NELL2: variants seen among roughly 807,000 people sequenced by gnomAD.
NELL2 encodes the protein protein kinase C-binding protein NELL2.
A neutral mutation model predicts 109.6 loss-of-function variants in NELL2; 41 were observed. The observed-to-expected ratio is 0.37, with a 90% CI of 0.29 to 0.49. NELL2 has a LOEUF of 0.49. NELL2 is among the 20% of genes least tolerant of loss of function. NELL2 has a pLI of 0.98. For synonymous variants in NELL2, 355 were observed against 344.7 expected (o/e 1.03, Z -0.33); for missense variants, 900 against 1,008.3 (o/e 0.89, Z 1.45).
chr12:44,618,514 T>C (rs1420993961), intron 13 of NELL2, among the ~76,000 whole-genome samples: 1 of 152,206 alleles, frequency 6.6e-6, no homozygotes, highest in Non-Finnish European at 1.5e-5. Flanking sequence ...AGACATGTTT[T>C]ATAATATTTT....
At chr12:44,686,767 T>C (rs1173623234) in intron 12 of NELL2, among the ~76,000 whole-genome samples, 2 of 152,204 alleles carry the variant, frequency 1.3e-5, no homozygotes, top group East Asian at 1.9e-4. Context: ...AGGCAGTCTG[T>C]CCGTTCTCAG....
intron 1 of NELL2, among the ~76,000 whole-genome samples, chr12:44,921,282 A>G (rs1945866357): frequency 6.6e-6 from 1 of 152,218 alleles, no homozygotes; most frequent in Non-Finnish European, 1.5e-5. Flanking sequence ...ATTTGCAAGC[A>G]TTTACTGAGT....
intron 13 of NELL2, among the ~76,000 whole-genome samples, chr12:44,644,604 G>GTGTATATATA (rs1241074750): frequency 0.095 from 7,673 of 80,482 alleles, 344 homozygotes; most frequent in Non-Finnish European, 0.1. Flanking sequence ...ATATATATAT[G>GTGTATATATA]TATGTATATA....
chr12:44,865,992 G>C (rs1023695624), intron 2 of NELL2, among the ~76,000 whole-genome samples: 6 of 152,118 alleles, frequency 3.9e-5, no homozygotes, highest in Admixed American at 3.3e-4. Flanking sequence ...CTTTTGGAAA[G>C]TCATGAGTGA....
upstream of NELL2, among the ~76,000 whole-genome samples, chr12:44,879,788 T>G (rs919925151): frequency 2.0e-5 from 3 of 151,982 alleles, no homozygotes; most frequent in Non-Finnish European, 4.4e-5. Flanking sequence ...TTTAAAACTT[T>G]GCATGTTGGC....
chr12:44,620,714 G>A lies in NELL2; in HGVS notation c.1445-9744C>T, dbSNP rs139053833. On this transcript the variant is annotated intron_variant, in intron 13 of 19. Coordinates refer to ENST00000429094, the MANE Select transcript of NELL2 (RefSeq NM_001145108.2). Reference sequence around the variant, plus strand: ...CACTCCCCACATTTATCCGGGGCCAGGTCACCTGGATTCTTCTTTCTTAAA... The same window carrying A: ...CACTCCCCACATTTATCCGGGGCCAAGTCACCTGGATTCTTCTTTCTTAAA... Among the ~76,000 whole-genome samples the A allele has an allele frequency of 1.5e-3, 222 of 152,118 alleles. 1 individual carries two copies. The highest frequency in any genetic ancestry group is 4.7e-3 in the African/African-American group (197 of 41,474).
At chr12:44,812,617 A>G (rs1943214685) in intron 3 of NELL2, among the ~76,000 whole-genome samples, 1 of 152,222 alleles carries the variant, frequency 6.6e-6, no homozygotes, top group South Asian at 2.1e-4. Context: ...TGATGAAACT[A>G]AATAGATGAG....
At chr12:44,717,416 G>A (rs1938546116) in intron 9 of NELL2, among the ~76,000 whole-genome samples, 1 of 152,058 alleles carries the variant, frequency 6.6e-6, no homozygotes, top group South Asian at 2.1e-4. Context: ...CGAATTTAAT[G>A]TGCTTCATGC....
At chr12:44,833,111 G>A (rs1360774823) in intron 2 of NELL2, among the ~76,000 whole-genome samples, 2 of 152,176 alleles carry the variant, frequency 1.3e-5, no homozygotes, top group Non-Finnish European at 2.9e-5. Context: ...GGCCTACACA[G>A]AACGTTCAGA....
intron 1 of NELL2, among the ~76,000 whole-genome samples, chr12:44,909,814 A>T (rs1239978260): frequency 6.6e-6 from 1 of 151,624 alleles, no homozygotes; most frequent in Non-Finnish European, 1.5e-5. Context: ...GAGAACCCAG[A>T]GATAAAGCTA....
At chr12:44,777,349 C>T (rs938863635) in intron 5 of NELL2, 35 bp from the exon 6 acceptor site, 3 of 1,546,482 alleles carry the variant, frequency 1.9e-6, no homozygotes, top group Non-Finnish European at 2.7e-6. Flanking sequence ...AGACATATTA[C>T]TTTCATTTAC....
intron 3 of NELL2, among the ~76,000 whole-genome samples, chr12:44,790,173 A>T (rs1942328454): frequency 6.6e-6 from 1 of 152,194 alleles, no homozygotes; most frequent in Non-Finnish European, 1.5e-5. Context: ...GCACATTATC[A>T]TCAGGTTATC....
intron 18 of NELL2, among the ~76,000 whole-genome samples, chr12:44,520,435 G>C (rs1264011474): frequency 2.0e-5 from 3 of 152,182 alleles, no homozygotes; most frequent in Admixed American, 2.0e-4. Context: ...ATTGCAGCTT[G>C]ATTTTCAAAC....
intron 15 of NELL2, among the ~76,000 whole-genome samples, chr12:44,569,326 T>C (rs1000485096): frequency 4.6e-5 from 7 of 152,150 alleles, no homozygotes; most frequent in African/African-American, 1.4e-4. Context: ...CTATTGTAAA[T>C]AGTGCTGCGA....
At chr12:44,669,345 A>G (rs1948057829) in intron 12 of NELL2, among the ~76,000 whole-genome samples, 1 of 152,224 alleles carries the variant, frequency 6.6e-6, no homozygotes, top group Non-Finnish European at 1.5e-5. Context: ...AAAAACAAAG[A>G]AACATGACAT....
intron 3 of NELL2, among the ~76,000 whole-genome samples, chr12:44,785,401 A>G (rs571002177): frequency 1.6e-4 from 24 of 152,326 alleles, no homozygotes; most frequent in Non-Finnish European, 1.5e-5. Context: ...ACGGAAAAAC[A>G]TTCATGCTCA....
At chr12:44,636,249 T>C (rs1186206989) in intron 13 of NELL2, among the ~76,000 whole-genome samples, 2 of 152,134 alleles carry the variant, frequency 1.3e-5, no homozygotes, top group Non-Finnish European at 2.9e-5. Flanking sequence ...TGTGACTTCC[T>C]CTCCTCCTAT....
At chr12:44,769,396 C>T (rs901785794) in intron 9 of NELL2, among the ~76,000 whole-genome samples, 4 of 152,098 alleles carry the variant, frequency 2.6e-5, no homozygotes, top group South Asian at 2.1e-4. Flanking sequence ...AATTAGGCCG[C>T]GGTACAATAT....
intron 2 of NELL2, among the ~76,000 whole-genome samples, chr12:44,852,787 A>T (rs779959271): frequency 6.6e-6 from 1 of 152,200 alleles, no homozygotes; most frequent in Non-Finnish European, 1.5e-5. Context: ...AACGTGTTCT[A>T]ATTTGAAAGT....
Sources: gnomAD v4.1 joint callset for allele counts (sites outside exome capture counted in the v4.1 genomes callset) on GRCh38, gnomAD v4.1.1 for gene constraint, MANE v1.5 for transcripts, NCBI Gene and HGNC (gene_info 2026-07-23, HGNC 2026-07-21) for gene names.